PPP3CB: variants seen among roughly 807,000 people sequenced by gnomAD.
PPP3CB encodes serine/threonine-protein phosphatase 2B catalytic subunit beta isoform.
A neutral mutation model predicts 66.4 loss-of-function variants in PPP3CB; 8 were observed. That is an observed-to-expected ratio of 0.12 (90% CI 0.07 to 0.22). The LOEUF is 0.22. Among genes scored for constraint, PPP3CB ranks in the 10% least tolerant of loss-of-function variants. The pLI is 1.00. For missense variants in PPP3CB, 319 were observed against 642.5 expected, an observed-to-expected ratio of 0.50 and a Z score of 5.44; for synonymous variants, 208 against 221.2, an observed-to-expected ratio of 0.94 and a Z score of 0.53.
chr10:73,444,902 G>T lies in PPP3CB; in HGVS notation c.1269-80C>A, dbSNP rs185947070. On this transcript the variant is annotated intron_variant, in intron 11 of 13. Coordinates refer to ENST00000360663, the MANE Select transcript of PPP3CB (RefSeq NM_021132.4). ...AAAGAAGACATAGGGTCTAGATATA[G>T]GCCATATATAAAATTCATGACATTC... 5.9e-5 allele frequency: 80 copies of T among 1,345,524 alleles called. No individual in the cohort carries two copies. The African/African-American group carries it at 1.0e-3, about 18-fold the overall frequency. The allele number at this position is 1,345,524 out of a possible 1,614,324, so 83.3% of individuals were successfully genotyped here. A position where few individuals can be genotyped will look rare whatever the true frequency, so the allele number is the denominator to read the frequency against.
intron 13 of PPP3CB, 56 bp from the exon 14 acceptor site, chr10:73,438,476 A>G: frequency 1.4e-6 from 2 of 1,454,864 alleles, no homozygotes; most frequent in Non-Finnish European, 1.9e-6. Flanking sequence ...CTGAGATTTC[A>G]AAAACATAAT....
intron 1 of PPP3CB, among the ~76,000 whole-genome samples, chr10:73,492,764 T>C (rs992323727): frequency 1.1e-4 from 17 of 152,130 alleles, no homozygotes; most frequent in African/African-American, 4.1e-4. Flanking sequence ...CCATAATCAA[T>C]GACATGGAAT....
At chr10:73,487,369 G>A (rs1047787414) in intron 1 of PPP3CB, among the ~76,000 whole-genome samples, 21 of 152,032 alleles carry the variant, frequency 1.4e-4, no homozygotes, top group African/African-American at 4.8e-4. Flanking sequence ...CCAACATGGC[G>A]AAATCCCGTC....
chr10:73,485,987 C>T (rs1387998412), intron 1 of PPP3CB, among the ~76,000 whole-genome samples: 1 of 148,608 alleles, frequency 6.7e-6, no homozygotes, highest in Non-Finnish European at 1.5e-5. Context: ...GCTCTGTTGC[C>T]CAGGCTAGAA....
chr10:73,483,105 C>A (rs2132995137), intron 1 of PPP3CB, among the ~76,000 whole-genome samples: 1 of 152,330 alleles, frequency 6.6e-6, no homozygotes, highest in Admixed American at 6.5e-5. Flanking sequence ...CACTGAAGAA[C>A]TATAATGTAT....
At chr10:73,449,995 G>C (rs1018314141) in intron 10 of PPP3CB, among the ~76,000 whole-genome samples, 1 of 152,028 alleles carries the variant, frequency 6.6e-6, no homozygotes, top group Non-Finnish European at 1.5e-5. Context: ...AGGGGGTTTT[G>C]CCATGTTGGC....
intron 5 of PPP3CB, 62 bp from the exon 6 acceptor site, chr10:73,471,271 A>G (rs1216151664): frequency 6.7e-7 from 1 of 1,495,256 alleles, no homozygotes; most frequent in East Asian, 2.3e-5. Flanking sequence ...TAAAATGTGC[A>G]TAGGAAAACG....
intron 1 of PPP3CB, 35 bp from the exon 2 acceptor site, chr10:73,479,552 C>A (rs1221305930): frequency 6.4e-7 from 1 of 1,571,458 alleles, no homozygotes; most frequent in Non-Finnish European, 8.7e-7. Context: ...AGATAAGTCA[C>A]CAAAAATACA....
chr10:73,449,112 C>G (rs2056306112), intron 10 of PPP3CB, among the ~76,000 whole-genome samples: 1 of 152,170 alleles, frequency 6.6e-6, no homozygotes, highest in Admixed American at 6.5e-5. Context: ...GGTAATGACA[C>G]AAATGAAATA....
intron 9 of PPP3CB, among the ~76,000 whole-genome samples, chr10:73,457,179 G>A (rs79919752): frequency 7.3e-6 from 1 of 136,148 alleles, no homozygotes; most frequent in South Asian, 2.4e-4. Flanking sequence ...CTACCTGGGA[G>A]AATGAAGAAG....
At chr10:73,495,779 C>A (rs1295581103) in intron 1 of PPP3CB, 26 bp downstream of exon 1, 5 of 1,569,150 alleles carry the variant, frequency 3.2e-6, no homozygotes, top group Middle Eastern at 1.7e-4. Flanking sequence ...TCAGGCCAGG[C>A]CCCCAGGGTT....
intron 1 of PPP3CB, among the ~76,000 whole-genome samples, chr10:73,494,565 G>C (rs2057142206): frequency 6.6e-6 from 1 of 151,920 alleles, no homozygotes; most frequent in Non-Finnish European, 1.5e-5. Context: ...AAAGTGCTGG[G>C]ATTACAGATG....
rs190255706 is a variant in PPP3CB, at chr10:73,453,294, T to A, written c.1186+1118A>T. ...ACTCTATAATTCTCTCCAATAAATT[T>A]ATTCCAAGGAGGAAAATAAAAGCTA... On this transcript the variant is annotated intron_variant, in intron 10 of 13. Coordinates refer to ENST00000360663, the MANE Select transcript of PPP3CB (RefSeq NM_021132.4). Among the ~76,000 whole-genome samples, 557 of 152,204 alleles carry A rather than the reference T, an allele frequency of 3.7e-3. 2 individuals are homozygous for A. The highest frequency in any genetic ancestry group is 0.013 in the African/African-American group (534 of 41,446).
Position 73,437,988 on chromosome 10 carries a change from G to A in PPP3CB, c.*254C>T. 2.7e-6 allele frequency: 1 copy of A among 366,506 alleles called. No individual in the cohort carries two copies. Among genetic ancestry groups the A allele is most frequent in the Admixed American group, 4.6e-5 (1 of 21,738 alleles). The allele number at this position is 366,506 out of a possible 1,614,324, so 22.7% of individuals were successfully genotyped here. A position where few individuals can be genotyped will look rare whatever the true frequency, so the allele number is the denominator to read the frequency against. Reference sequence around the variant, plus strand: ...ACAAGCATAAAATGGAGGTGTGGATGCCCTCCACTGGAAATTGCCCCAAGC... The same window carrying A: ...ACAAGCATAAAATGGAGGTGTGGATACCCTCCACTGGAAATTGCCCCAAGC... On this transcript the variant is annotated 3_prime_UTR_variant, in exon 14 of 14. Coordinates refer to ENST00000360663, the MANE Select transcript of PPP3CB (RefSeq NM_021132.4).
chr10:73,447,014 A>G (rs889281564), intron 10 of PPP3CB, among the ~76,000 whole-genome samples: 3 of 152,222 alleles, frequency 2.0e-5, no homozygotes, highest in African/African-American at 7.2e-5. Flanking sequence ...TTTAACTATC[A>G]CAAAGTATTT....
intron 10 of PPP3CB, among the ~76,000 whole-genome samples, chr10:73,450,567 A>G (rs2056328023): frequency 6.6e-6 from 1 of 152,184 alleles, no homozygotes; most frequent in Non-Finnish European, 1.5e-5. Context: ...CCCTACTCCT[A>G]ATACGTGGTA....
intron 9 of PPP3CB, among the ~76,000 whole-genome samples, chr10:73,458,267 G>C (rs1475802428): frequency 6.6e-6 from 1 of 152,032 alleles, no homozygotes; most frequent in Non-Finnish European, 1.5e-5. Flanking sequence ...CTCCTGAGTA[G>C]CTGGGATTAC....
intron 10 of PPP3CB, among the ~76,000 whole-genome samples, chr10:73,451,876 G>A (rs1488168766): frequency 6.6e-6 from 1 of 150,962 alleles, no homozygotes; most frequent in Non-Finnish European, 1.5e-5. Flanking sequence ...CTCCCAAGTA[G>A]CTAGGACTAC....
intron 1 of PPP3CB, among the ~76,000 whole-genome samples, chr10:73,484,857 G>A (rs1321273582): frequency 6.6e-6 from 1 of 152,058 alleles, no homozygotes; most frequent in South Asian, 2.1e-4. Flanking sequence ...GTCAAGACCA[G>A]CCTGGCCAAC....
Sources: allele counts gnomAD v4.1 joint callset (sites outside exome capture counted in the v4.1 genomes callset), GRCh38; gene constraint gnomAD v4.1.1; transcripts MANE v1.5; gene names NCBI Gene and HGNC (gene_info 2026-07-23, HGNC 2026-07-21).